The following PTPN22 variants were observed in gnomAD, a reference collection of about 807,000 sequenced individuals.
The protein encoded by PTPN22 is protein tyrosine phosphatase non-receptor type 22.
PTPN22 carries 85 observed loss-of-function variants against 103.3 expected under a neutral mutation model. The ratio of observed to expected loss-of-function variants is 0.82; its 90% confidence interval spans 0.69 to 0.99. The LOEUF (loss-of-function observed/expected upper bound fraction) is 0.99. PTPN22 is among the 50% of genes least tolerant of loss of function. The pLI is 0.00. For missense variants in PTPN22, 865 were observed against 936.9 expected, an observed-to-expected ratio of 0.92 and a Z score of 1.00; for synonymous variants, 323 against 310.2, an observed-to-expected ratio of 1.04 and a Z score of -0.43.
At chr1:113,864,964 G>A (rs1280979149) in intron 1 of PTPN22, among the ~76,000 whole-genome samples, 1 of 152,118 alleles carries the variant, frequency 6.6e-6, no homozygotes, top group East Asian at 1.9e-4. Context: ...AGGAGTGTGA[G>A]GAATGTTCAA....
intron 13 of PTPN22, 119 bp from the exon 14 acceptor site, chr1:113,835,112 A>C (rs546458412): frequency 3.6e-6 from 2 of 554,196 alleles, no homozygotes; most frequent in South Asian, 1.2e-4. Context: ...CCGTTGAAGC[A>C]ACATTATCAG....
At chr1:113,842,051 T>A (rs1364388799) in intron 11 of PTPN22, among the ~76,000 whole-genome samples, 1 of 150,804 alleles carries the variant, frequency 6.6e-6, no homozygotes, top group African/African-American at 2.4e-5. Context: ...AAAAAAAAAT[T>A]AAAAAAAAAT....
chr1:113,837,514 G>A lies in PTPN22; in HGVS notation c.1810+76C>T. 6.0e-6 allele frequency: 6 copies of A among 1,006,752 alleles called. No homozygotes were observed. In the South Asian group the frequency reaches 6.7e-5, roughly 11 times the overall value. 62.4% of individuals were successfully genotyped at this position (1,006,752 alleles called of 1,614,324 possible). A position where few individuals can be genotyped will look rare whatever the true frequency, so the allele number is the denominator to read the frequency against. Reference sequence around the variant, plus strand: ...AGAAGAAGCAGAGGAGAAGAGGGAAGAGGAGAAGAAACCAACTATTCTATA... The same window carrying A: ...AGAAGAAGCAGAGGAGAAGAGGGAAAAGGAGAAGAAACCAACTATTCTATA... On this transcript the variant is annotated intron_variant, in intron 13 of 20. Coordinates refer to ENST00000359785, the Ensembl canonical transcript of PTPN22.
At chr1:113,870,542 A>T (rs1666492141) in intron 1 of PTPN22, among the ~76,000 whole-genome samples, 1 of 152,168 alleles carries the variant, frequency 6.6e-6, no homozygotes, top group Non-Finnish European at 1.5e-5. Flanking sequence ...AAGGAGATTC[A>T]CTGTTCTTCT....
At chr1:113,839,280 G>A (rs780781597) in intron 11 of PTPN22, among the ~76,000 whole-genome samples, 3 of 151,798 alleles carry the variant, frequency 2.0e-5, no homozygotes, top group African/African-American at 7.3e-5. Context: ...GGGCCTCGCT[G>A]TATTGCCCAG....
chr1:113,814,491 A>G (rs1661016450), exon 21 of PTPN22: 1 of 161,790 alleles, frequency 6.2e-6, no homozygotes, highest in Non-Finnish European at 1.3e-5. Context: ...CAACCCACAA[A>G]GTAAGTTTTT....
intron 11 of PTPN22, among the ~76,000 whole-genome samples, chr1:113,840,985 G>T (rs1663493173): frequency 6.6e-6 from 1 of 152,224 alleles, no homozygotes; most frequent in African/African-American, 2.4e-5. Flanking sequence ...AGCACTTTGG[G>T]AGGCTGAGGC....
rs1002827818 is a variant in PTPN22 at position 113,834,870 on chromosome 1, C to G, written c.1894+40G>C. 3 of 1,426,754 alleles carry G rather than the reference C, an allele frequency of 2.1e-6. No individual in the cohort carries two copies. The African/African-American group carries it at 4.4e-5, about 21-fold the overall frequency. 88.4% of individuals were successfully genotyped at this position (1,426,754 alleles called of 1,614,324 possible). On this transcript the variant is annotated intron_variant, in intron 14 of 20. Transcript: ENST00000359785. ...AATTAAAGGCATGAGCCACCATGCC[C>G]ATCCCACACTTTATTTTATACTTAC...
At chr1:113,817,900 G>C (rs1040532658) in intron 20 of PTPN22, among the ~76,000 whole-genome samples, 1 of 151,908 alleles carries the variant, frequency 6.6e-6, no homozygotes, top group African/African-American at 2.4e-5. Context: ...AGTAAAGAAG[G>C]AAGCAGAGAA....
At chr1:113,821,766 A>G (rs1303959212) in intron 19 of PTPN22, among the ~76,000 whole-genome samples, 2 of 152,216 alleles carry the variant, frequency 1.3e-5, no homozygotes, top group Non-Finnish European at 2.9e-5. Flanking sequence ...AGATTAAGGA[A>G]ATGACCTATA....
chr1:113,827,183 C>G (rs1386238762), intron 18 of PTPN22, among the ~76,000 whole-genome samples: 1 of 152,144 alleles, frequency 6.6e-6, no homozygotes, highest in Non-Finnish European at 1.5e-5. Flanking sequence ...TAACACCTAA[C>G]AGAAATGTGC....
chr1:113,824,441 C>A (rs1661879084), intron 19 of PTPN22, among the ~76,000 whole-genome samples: 1 of 152,122 alleles, frequency 6.6e-6, no homozygotes, highest in Non-Finnish European at 1.5e-5. Flanking sequence ...AATAAGATTT[C>A]TAAGATAATT....
chr1:113,851,156 ATTT>A (rs5777169), intron 10 of PTPN22, among the ~76,000 whole-genome samples: 1 of 146,666 alleles, frequency 6.8e-6, no homozygotes, highest in Non-Finnish European at 1.5e-5. Context: ...TGTGATTGTA[ATTT>A]TTTTTTTTTT....
At position 113,834,293 on chromosome 1, in the gene PTPN22, T is replaced by C. The variant is rs1276350645; in HGVS notation, c.2025+16A>G. Reference sequence around the variant, plus strand: ...TATTGAATCTAAATGAGTAGAGTCATTAAAAAATTATTGACCTTGCTTGGT... The same window carrying C: ...TATTGAATCTAAATGAGTAGAGTCACTAAAAAATTATTGACCTTGCTTGGT... On this transcript the variant is annotated intron_variant, in intron 15 of 20. Coordinates refer to ENST00000359785, the Ensembl canonical transcript of PTPN22. 6.2e-7 allele frequency: 1 copy of C among 1,611,452 alleles called. No individual in the cohort carries two copies. Among genetic ancestry groups the C allele is most frequent in the Non-Finnish European group, 8.5e-7 (1 of 1,178,352 alleles).
At chr1:113,825,315 G>A in intron 18 of PTPN22, 143 bp from the exon 19 acceptor site, 1 of 606,012 alleles carries the variant, frequency 1.7e-6, no homozygotes, top group Non-Finnish European at 2.8e-6. Flanking sequence ...TTTCCATCTT[G>A]CCATTTTTAA....
chr1:113,842,320 A>T (rs983040544), intron 11 of PTPN22, among the ~76,000 whole-genome samples: 1 of 152,206 alleles, frequency 6.6e-6, no homozygotes, highest in Non-Finnish European at 1.5e-5. Flanking sequence ...ATCATTAGGA[A>T]AATATAAATC....
intron 9 of PTPN22, among the ~76,000 whole-genome samples, chr1:113,853,926 C>T (rs1471147896): frequency 3.0e-5 from 4 of 133,740 alleles, no homozygotes; most frequent in Non-Finnish European, 4.5e-5. Context: ...AGTGCAGTGG[C>T]GCGATCTTGG....
Position 113,817,020 on chromosome 1 carries a change from T to G in PTPN22, c.2360-2051A>C, listed in dbSNP as rs182635267. 3.7e-3 allele frequency among the ~76,000 whole-genome samples: 567 copies of G among 152,192 alleles called. 2 individuals carry two copies. Among genetic ancestry groups the G allele is most frequent in the African/African-American group, 0.013 (544 of 41,522 alleles). On this transcript the variant is annotated intron_variant, in intron 20 of 20. Coordinates refer to ENST00000359785, the Ensembl canonical transcript of PTPN22. The stretch of plus-strand genomic sequence containing the variant: ...GAAAAAAAAGCACATTCAAATTTGT[T>G]AATGGTGATGATAAAAAAAAATTGG...
intron 18 of PTPN22, among the ~76,000 whole-genome samples, chr1:113,827,615 T>G (rs925395188): frequency 6.6e-6 from 1 of 152,226 alleles, no homozygotes; most frequent in Non-Finnish European, 1.5e-5. Context: ...AATCTGCTCT[T>G]ACAGATAATG....
Sources: gnomAD v4.1 joint callset for allele counts (sites outside exome capture counted in the v4.1 genomes callset) on GRCh38, gnomAD v4.1.1 for gene constraint, MANE v1.5 for transcripts, NCBI Gene and HGNC (gene_info 2026-07-23, HGNC 2026-07-21) for gene names.